AAK1: variants seen among roughly 807,000 people sequenced by gnomAD.
The protein encoded by AAK1 is AP2 associated kinase 1.
Under a neutral mutation model 116.0 loss-of-function variants are expected in AAK1, and 37 were observed. The ratio of observed to expected loss-of-function variants is 0.32; its 90% CI spans 0.25 to 0.42. The LOEUF (loss-of-function observed/expected upper bound fraction) is 0.42, where lower values mean the gene tolerates loss of function less well. AAK1 is among the 10% of genes least tolerant of loss of function. AAK1 has a pLI of 1.00. For missense variants in AAK1, 919 were observed against 1,170.6 expected (o/e 0.79, Z 3.14); for synonymous variants, 458 against 439.9 (o/e 1.04, Z -0.51).
At chr2:69,631,475 T>C (rs772538031) in intron 2 of AAK1, among the ~76,000 whole-genome samples, 7 of 152,220 alleles carry the variant, frequency 4.6e-5, no homozygotes, top group Non-Finnish European at 8.8e-5. Context: ...CTCTGTTTTT[T>C]GACAAAAATA....
intron 3 of AAK1, among the ~76,000 whole-genome samples, chr2:69,547,999 CAA>C (rs1671000020): frequency 6.6e-6 from 1 of 151,986 alleles, no homozygotes; most frequent in South Asian, 2.1e-4. Context: ...AAAACAGACA[CAA>C]GAGGTCAAAT....
chr2:69,533,412 A>C (rs1670339060), intron 5 of AAK1, among the ~76,000 whole-genome samples: 1 of 152,176 alleles, frequency 6.6e-6, no homozygotes, highest in Non-Finnish European at 1.5e-5. Context: ...ATTCTTTTAA[A>C]AACAACTGGT....
At chr2:69,623,330 T>A (rs1439116761) in intron 2 of AAK1, among the ~76,000 whole-genome samples, 36 of 152,190 alleles carry the variant, frequency 2.4e-4, no homozygotes, top group Admixed American at 2.3e-3. Context: ...CTGGACACAT[T>A]ACGACTGCCA....
At chr2:69,542,777 G>T in intron 4 of AAK1, 112 bp from the exon 5 acceptor site, 1 of 1,191,964 alleles carries the variant, frequency 8.4e-7, no homozygotes, top group South Asian at 1.6e-5. Context: ...AGGTAACAGA[G>T]CTGACCACTG....
chr2:69,619,491 G>A (rs927746602), intron 2 of AAK1, among the ~76,000 whole-genome samples: 2 of 152,098 alleles, frequency 1.3e-5, no homozygotes, highest in African/African-American at 4.8e-5. Flanking sequence ...AATATTTACT[G>A]TGTCCCTACT....
Position 69,473,487 on chromosome 2 carries a change from C to T in AAK1, c.*2382G>A. 6 of 985,384 alleles carry T rather than the reference C, an allele frequency of 6.1e-6. No individual in the cohort carries two copies. The highest frequency in any genetic ancestry group is 7.2e-6 in the Non-Finnish European group (6 of 829,924). The allele number at this position is 985,384 out of a possible 1,614,324, so 61.0% of individuals were successfully genotyped here. ...GAGGAGGCCTTACTCTAAATAAGCC[C>T]AAGACAATTTCTTGTCATTATCTCC... is the stretch of plus-strand genomic sequence containing the variant. On this transcript the variant is annotated 3_prime_UTR_variant, in exon 22 of 22. Coordinates refer to ENST00000409085, the MANE Select transcript of AAK1 (RefSeq NM_014911.5).
chr2:69,475,620 C>T lies in AAK1; in HGVS notation c.*249G>A. On this transcript the variant is annotated 3_prime_UTR_variant, in exon 22 of 22. Coordinates refer to ENST00000409085, the MANE Select transcript of AAK1 (RefSeq NM_014911.5). ...ATCTAGTGCTTGATTTAAGATAATG[C>T]TATTGAAGAAGGGTAATGAGAAAAC... 2 of 1,265,092 alleles carry T rather than the reference C, an allele frequency of 1.6e-6. No individual in the cohort carries two copies. The highest frequency in any genetic ancestry group is 2.0e-6 in the Non-Finnish European group (2 of 1,000,266). The allele number at this position is 1,265,092 out of a possible 1,614,324, so 78.4% of individuals were successfully genotyped here.
At chr2:69,639,323 G>A (rs185032099) in intron 2 of AAK1, among the ~76,000 whole-genome samples, 3 of 152,236 alleles carry the variant, frequency 2.0e-5, no homozygotes, top group East Asian at 3.9e-4. Flanking sequence ...TTTTCCCATT[G>A]AGCTCATTCT....
rs1032770925 is a variant in AAK1, at chr2:69,467,273, CAGA to C, written c.*8593_*8595del. The C allele has an allele frequency of 9.8e-5, 97 of 985,258 alleles. No individual in the cohort carries two copies. In the Middle Eastern group the frequency reaches 2.6e-3, roughly 26 times the overall value. The allele number at this position is 985,258 out of a possible 1,614,324, so 61.0% of individuals were successfully genotyped here. Reference sequence around the variant, plus strand: ...TGAATCTGCCATAAAGTTCTTTAAGCAGAAGGAGTAAAATGCATGGGCCATTAC... The same window carrying C: ...TGAATCTGCCATAAAGTTCTTTAAGCAGGAGTAAAATGCATGGGCCATTAC... On this transcript the variant is annotated 3_prime_UTR_variant, in exon 22 of 22. Coordinates refer to ENST00000409085, the MANE Select transcript of AAK1 (RefSeq NM_014911.5).
intron 5 of AAK1, among the ~76,000 whole-genome samples, chr2:69,535,986 G>A (rs1049669034): frequency 4.6e-5 from 7 of 152,196 alleles, no homozygotes; most frequent in Admixed American, 2.0e-4. Context: ...TGCTCCACGC[G>A]CTTTTACCTA....
chr2:69,610,674 A>G (rs1017406890), intron 2 of AAK1, among the ~76,000 whole-genome samples: 1 of 152,260 alleles, frequency 6.6e-6, no homozygotes, highest in Non-Finnish European at 1.5e-5. Flanking sequence ...GCCCTATTAG[A>G]AAAATGAACA....
Position 69,475,138 on chromosome 2 carries a change from T to C in AAK1, c.*731A>G, listed in dbSNP as rs1674806611. On this transcript the variant is annotated 3_prime_UTR_variant, in exon 22 of 22. Coordinates refer to ENST00000409085, the MANE Select transcript of AAK1 (RefSeq NM_014911.5). ...CATTGTATCCAAGGATCTCAAATAC[T>C]TGCAGTCACGTCTCCAGATCTGAGA... 3 of 985,746 alleles carry C rather than the reference T, an allele frequency of 3.0e-6. No individual in the cohort carries two copies. The highest frequency in any genetic ancestry group is 3.5e-5 in the African/African-American group (2 of 57,232). 61.1% of individuals were successfully genotyped at this position (985,746 alleles called of 1,614,324 possible). A position where few individuals can be genotyped will look rare whatever the true frequency, so the allele number is the denominator to read the frequency against.
Position 69,514,532 on chromosome 2 carries a change from C to T in AAK1, c.1715G>A (p.Gly572Glu). The T allele has an allele frequency of 6.4e-7, 1 of 1,551,914 alleles. No individual in the cohort carries two copies. Among genetic ancestry groups the T allele is most frequent in the Non-Finnish European group, 8.7e-7 (1 of 1,147,298 alleles). ...ALQQKPTMAA[G>E]QQPQPQPAAA... is the part of the protein sequence containing the mutation. Reference sequence around the variant, plus strand: ...AGCTGGCTGTGGCTGGGGCTGCTGTCCTGCTGCCATAGTGGGCTTTTGCTG... The same window carrying T: ...AGCTGGCTGTGGCTGGGGCTGCTGTTCTGCTGCCATAGTGGGCTTTTGCTG... The change falls in exon 13 of 22, where the codon GGA becomes GAA. Residue 572 changes from glycine (G) to glutamate (E), a missense_variant. By Grantham distance (98) the Gly-to-Glu change is moderately conservative (BLOSUM62 -2). This residue lies in a region of AAK1 where 214 missense variants were observed against 210.6 expected (regional missense o/e 1.02). Transcript: ENST00000409085.
At chr2:69,542,849 T>G (rs1209405909) in intron 4 of AAK1, among the ~76,000 whole-genome samples, 184 bp from the exon 5 acceptor site, 1 of 152,198 alleles carries the variant, frequency 6.6e-6, no homozygotes, top group African/African-American at 2.4e-5. Flanking sequence ...TTTCTTATAA[T>G]TCAGTGTCTC....
At chr2:69,570,351 C>T (rs369481656) in intron 2 of AAK1, among the ~76,000 whole-genome samples, 15 of 151,978 alleles carry the variant, frequency 9.9e-5, no homozygotes, top group African/African-American at 3.4e-4. Context: ...GCAAAGTCCT[C>T]CCTGTCCCTG....
chr2:69,568,632 T>C (rs1053732877), intron 2 of AAK1, among the ~76,000 whole-genome samples: 1 of 152,038 alleles, frequency 6.6e-6, no homozygotes, highest in Non-Finnish European at 1.5e-5. Flanking sequence ...GATCCTGCTA[T>C]GTTGCCCAGG....
intron 2 of AAK1, among the ~76,000 whole-genome samples, chr2:69,578,648 A>G (rs1231896899): frequency 6.6e-6 from 1 of 152,026 alleles, no homozygotes; most frequent in African/African-American, 2.4e-5. Context: ...CTCTATCTGA[A>G]GCCCAGCCTG....
chr2:69,639,271 T>C (rs1573035044), intron 2 of AAK1, among the ~76,000 whole-genome samples: 1 of 152,350 alleles, frequency 6.6e-6, no homozygotes, highest in South Asian at 2.1e-4. Flanking sequence ...GGAAGTATGA[T>C]AAAAGCACAG....
intron 16 of AAK1, among the ~76,000 whole-genome samples, chr2:69,503,034 T>A (rs901001887): frequency 2.0e-5 from 3 of 152,164 alleles, no homozygotes; most frequent in African/African-American, 7.2e-5. Flanking sequence ...TAAAAATGAA[T>A]AACAAACTGG....
Sources: allele counts gnomAD v4.1 joint callset (sites outside exome capture counted in the v4.1 genomes callset), GRCh38; gene constraint gnomAD v4.1.1; regional missense constraint gnomAD v4.1.1; transcripts MANE v1.5; gene names NCBI Gene and HGNC (gene_info 2026-07-23, HGNC 2026-07-21).